The following ZNF536 variants were observed in gnomAD, a reference collection of about 807,000 sequenced individuals.
The protein encoded by ZNF536 is zinc finger protein 536.
ZNF536 carries 13 observed loss-of-function variants against 84.5 expected under a neutral mutation model. That is an observed-to-expected ratio of 0.15 (90% CI 0.10 to 0.24). The LOEUF is 0.24. ZNF536 is among the 10% of genes least tolerant of loss of function. ZNF536 has a pLI of 1.00. For missense variants in ZNF536, 1,536 were observed against 1,747.5 expected (o/e 0.88, Z 2.16); for synonymous variants, 811 against 742.5 (o/e 1.09, Z -1.50).
chr19:30,323,337 G>A (rs1482836417), intron 2 of ZNF536, among the ~76,000 whole-genome samples: 1 of 151,910 alleles, frequency 6.6e-6, no homozygotes, highest in South Asian at 2.1e-4. Context: ...CTTTCTCCTC[G>A]GGCACTTAAC....
intron 1 of ZNF536, among the ~76,000 whole-genome samples, chr19:30,267,393 C>T (rs1599958524): frequency 6.6e-6 from 1 of 152,084 alleles, no homozygotes; most frequent in Non-Finnish European, 1.5e-5. Context: ...TTTCATTCTT[C>T]CTCATTTTAT....
chr19:30,384,096 T>TTCTTTCTC (rs1568377763), intron 1 of ZNF536, among the ~76,000 whole-genome samples: 3 of 104,420 alleles, frequency 2.9e-5, no homozygotes, highest in South Asian at 4.0e-4. Flanking sequence ...GCCCACCTCT[T>TTCTTTCTC]TCTCTTTCTT....
intron 2 of ZNF536, among the ~76,000 whole-genome samples, chr19:30,496,781 T>G (rs1298614833): frequency 1.3e-5 from 2 of 150,832 alleles, no homozygotes; most frequent in Non-Finnish European, 1.5e-5. Flanking sequence ...TGGCCTCGAG[T>G]AGATGCTTTT....
intron 3 of ZNF536, among the ~76,000 whole-genome samples, chr19:30,359,241 T>G (rs1416326190): frequency 6.6e-6 from 1 of 152,190 alleles, no homozygotes; most frequent in Admixed American, 6.5e-5. Context: ...GGGCCTGTAT[T>G]TGGTGATTCC....
At chr19:30,452,267 G>A (rs957315645) in intron 2 of ZNF536, among the ~76,000 whole-genome samples, 7 of 152,248 alleles carry the variant, frequency 4.6e-5, no homozygotes, top group African/African-American at 1.7e-4. Context: ...GGCAGATTGG[G>A]GTCCTTCTGG....
chr19:30,545,362 A>G (rs8112930), intron 3 of ZNF536, among the ~76,000 whole-genome samples: 32,598 of 143,420 alleles, frequency 0.23, 4,400 homozygotes, highest in African/African-American at 0.37. Context: ...AATACAGTTT[A>G]AGTACTACCC....
chr19:30,284,305 G>A (rs1408449569), intron 2 of ZNF536, among the ~76,000 whole-genome samples: 2 of 152,170 alleles, frequency 1.3e-5, no homozygotes, highest in African/African-American at 2.4e-5. Flanking sequence ...CTTGTGGGCG[G>A]GGTGAACTAC....
At chr19:30,465,795 G>A (rs996232428) in intron 2 of ZNF536, among the ~76,000 whole-genome samples, 8 of 151,952 alleles carry the variant, frequency 5.3e-5, no homozygotes, top group Non-Finnish European at 1.2e-4. Flanking sequence ...CTGTTGCCCA[G>A]GCTGGAGTGC....
At chr19:30,527,219 C>CTTTTTTTT (rs56404227) in intron 2 of ZNF536, among the ~76,000 whole-genome samples, 2 of 106,172 alleles carry the variant, frequency 1.9e-5, no homozygotes, top group African/African-American at 3.9e-5. Context: ...ACCCAGCCTC[C>CTTTTTTTT]TTTTTTTTTT....
chr19:30,403,790 G>A (rs940528292), intron 1 of ZNF536, among the ~76,000 whole-genome samples: 4 of 152,106 alleles, frequency 2.6e-5, no homozygotes, highest in African/African-American at 4.8e-5. Flanking sequence ...TGTCCCCCTC[G>A]TTCTTCCTGT....
chr19:30,414,024 T>C (rs10409821), intron 1 of ZNF536, among the ~76,000 whole-genome samples: 146,853 of 149,120 alleles, frequency 0.98, 72,330 homozygotes, highest in African/African-American at 0.99. Flanking sequence ...ATCTGGGAGG[T>C]GGAGGTTGCA....
intron 1 of ZNF536, among the ~76,000 whole-genome samples, chr19:30,277,148 T>G (rs561487060): frequency 4.1e-4 from 63 of 152,248 alleles, no homozygotes; most frequent in Non-Finnish European, 7.8e-4. Context: ...TCCTTGGTGT[T>G]CTGTTGTTTA....
In ZNF536 at chr19:30,445,735, A is replaced by G. The variant is rs1415193847; in HGVS notation, c.2170+3A>G. Reference sequence around the variant, plus strand: ...CCCCTCCTCGCCATCCTCCTCAGGTAGGTTAGCTGAGAAGCGGGGAGAAGC... The same window carrying G: ...CCCCTCCTCGCCATCCTCCTCAGGTGGGTTAGCTGAGAAGCGGGGAGAAGC... On this transcript the variant is annotated splice_donor_region_variant and intron_variant, in intron 2 of 4. Transcript: ENST00000355537. This position sits in a 1 kb window ranked among gnomAD's most constrained non-coding sequence, Gnocchi z 4.5. 1.3e-6 allele frequency: 2 copies of G among 1,543,448 alleles called. No homozygotes were observed. The highest frequency in any genetic ancestry group is 2.7e-5 in the African/African-American group (2 of 72,974).
At chr19:30,610,441 T>C (rs2048065841) in intron 1 of ZNF536, among the ~76,000 whole-genome samples, 1 of 152,118 alleles carries the variant, frequency 6.6e-6, no homozygotes, top group African/African-American at 2.4e-5. Flanking sequence ...GGTCTCCCCC[T>C]CTGGGTGGGG....
intron 2 of ZNF536, among the ~76,000 whole-genome samples, chr19:30,503,225 C>A (rs2055021708): frequency 6.6e-6 from 1 of 151,906 alleles, no homozygotes; most frequent in Non-Finnish European, 1.5e-5. Context: ...AGTATGACAA[C>A]AAATGTTTGC....
At chr19:30,506,654 G>A (rs2055186471) in intron 2 of ZNF536, among the ~76,000 whole-genome samples, 1 of 152,166 alleles carries the variant, frequency 6.6e-6, no homozygotes, top group African/African-American at 2.4e-5. Context: ...CATGTGCGCT[G>A]GACCCATAAA....
intron 2 of ZNF536, among the ~76,000 whole-genome samples, chr19:30,334,739 T>A (rs1436916999): frequency 1.3e-5 from 2 of 152,206 alleles, no homozygotes; most frequent in African/African-American, 2.4e-5. Flanking sequence ...TACAGCAGTT[T>A]CCAACCATTT....
intron 1 of ZNF536, among the ~76,000 whole-genome samples, chr19:30,278,686 G>A (rs2045328674): frequency 6.6e-6 from 1 of 152,014 alleles, no homozygotes; most frequent in African/African-American, 2.4e-5. Context: ...GTTCTACTTG[G>A]CAGGTCTCAC....
intron 1 of ZNF536, among the ~76,000 whole-genome samples, chr19:30,703,775 C>T (rs1355514202): frequency 6.6e-6 from 1 of 152,214 alleles, no homozygotes; most frequent in Admixed American, 6.5e-5. Context: ...TCTTGGAGTT[C>T]TTCGTCATTT....
Sources: allele counts gnomAD v4.1 joint callset (sites outside exome capture counted in the v4.1 genomes callset), GRCh38; gene constraint gnomAD v4.1.1; non-coding constraint Gnocchi (gnomAD v3.1); transcripts MANE v1.5; gene names NCBI Gene and HGNC (gene_info 2026-07-23, HGNC 2026-07-21).